SNTG2: variants seen among roughly 807,000 people sequenced by gnomAD.
SNTG2 encodes the protein gamma-2-syntrophin.
A neutral mutation model predicts 70.9 loss-of-function variants in SNTG2; 74 were observed. The ratio of observed to expected loss-of-function variants is 1.04; its 90% confidence interval spans 0.86 to 1.27. SNTG2 has a LOEUF of 1.27. Ranked by LOEUF, SNTG2 falls within the 50% of genes most tolerant of loss-of-function variation. SNTG2 has a pLI of 0.00. For synonymous variants in SNTG2, 278 were observed against 273.8 expected (o/e 1.02, Z -0.15); for missense variants, 717 against 690.7 (o/e 1.04, Z -0.43).
intron 4 of SNTG2, among the ~76,000 whole-genome samples, chr2:1,100,368 C>A (rs1286222356): frequency 2.0e-5 from 3 of 152,188 alleles, no homozygotes; most frequent in Non-Finnish European, 4.4e-5. Context: ...GGGTCTCGAA[C>A]TCCTGACCTC....
chr2:1,137,898 C>T, intron 6 of SNTG2, 89 bp downstream of exon 6: 1 of 1,215,164 alleles, frequency 8.2e-7, no homozygotes, highest in South Asian at 1.2e-5. Flanking sequence ...CTGAGTCTAT[C>T]CATAGATGCA....
chr2:1,146,490 A>G (rs1669116719), intron 6 of SNTG2, among the ~76,000 whole-genome samples: 2 of 152,310 alleles, frequency 1.3e-5, no homozygotes, highest in South Asian at 4.1e-4. Context: ...TGATCTGTAG[A>G]TTCAATATGA....
At chr2:1,063,111 C>A (rs1558356080) in intron 1 of SNTG2, among the ~76,000 whole-genome samples, 1 of 152,210 alleles carries the variant, frequency 6.6e-6, no homozygotes, top group African/African-American at 2.4e-5. Context: ...ACCATGACTA[C>A]ACATAGATAA....
chr2:965,689 C>A (rs1660538419), intron 1 of SNTG2, among the ~76,000 whole-genome samples: 2 of 152,052 alleles, frequency 1.3e-5, no homozygotes, highest in African/African-American at 2.4e-5. Context: ...AGTGTGTGCT[C>A]TCCCCTGGAA....
At chr2:1,272,463 T>TAAAAAAAAA (rs577563977) in intron 14 of SNTG2, among the ~76,000 whole-genome samples, 3 of 51,894 alleles carry the variant, frequency 5.8e-5, no homozygotes, top group African/African-American at 1.9e-4. Context: ...CTGGTACTGG[T>TAAAAAAAAA]AAAAAAAAAA....
intron 1 of SNTG2, among the ~76,000 whole-genome samples, chr2:964,889 A>G (rs1297451341): frequency 6.6e-6 from 1 of 152,124 alleles, no homozygotes. Context: ...GGAACTTGGA[A>G]GACGGGGAGA....
At chr2:1,195,969 G>T (rs1223938147) in intron 8 of SNTG2, among the ~76,000 whole-genome samples, 1 of 151,998 alleles carries the variant, frequency 6.6e-6, no homozygotes, top group Non-Finnish European at 1.5e-5. Context: ...CCATGAAGAA[G>T]TTAACTCTAA....
chr2:1,257,702 G>C (rs900733757), intron 12 of SNTG2, among the ~76,000 whole-genome samples: 1 of 152,174 alleles, frequency 6.6e-6, no homozygotes, highest in Non-Finnish European at 1.5e-5. Flanking sequence ...ATCACAGCAC[G>C]ATGACAGCGG....
chr2:1,266,755 T>TTTTTTTTTTG (rs1224825177), intron 13 of SNTG2, among the ~76,000 whole-genome samples: 1 of 140,836 alleles, frequency 7.1e-6, no homozygotes, highest in African/African-American at 2.6e-5. Context: ...CTTTATCTTT[T>TTTTTTTTTTG]TTTTTTTTTT....
At chr2:1,189,026 G>A (rs1189666897) in intron 8 of SNTG2, among the ~76,000 whole-genome samples, 1 of 151,982 alleles carries the variant, frequency 6.6e-6, no homozygotes, top group Non-Finnish European at 1.5e-5. Context: ...TGTCAAAGAA[G>A]AAATGGGACT....
At chr2:970,418 C>A (rs9712290) in intron 1 of SNTG2, among the ~76,000 whole-genome samples, 3 of 127,682 alleles carry the variant, frequency 2.3e-5, no homozygotes, top group Admixed American at 8.3e-5. Context: ...TCCCTCCCCC[C>A]TCCCCCCACC....
intron 14 of SNTG2, among the ~76,000 whole-genome samples, chr2:1,270,850 T>G (rs1678982365): frequency 6.6e-6 from 1 of 152,228 alleles, no homozygotes; most frequent in African/African-American, 2.4e-5. Flanking sequence ...TAATTACATG[T>G]GTATAGTGTT....
Position 1,237,977 on chromosome 2 carries a change from G to A in SNTG2, c.809G>A (p.Arg270Gln), listed in dbSNP as rs200103305. 5.0e-6 allele frequency: 8 copies of A among 1,610,040 alleles called. No homozygotes were observed. Among genetic ancestry groups the A allele is most frequent in the East Asian group, 4.5e-5 (2 of 44,784 alleles). Reference protein sequence around the residue: ...YTAQDGTDWLRAVSANIRELT... With the variant: ...YTAQDGTDWLQAVSANIRELT... Reference sequence around the variant, plus strand: ...GCCCAGGATGGCACCGACTGGCTGCGGGCGGTCTCAGCCAACATCAGGGAG... The same window carrying A: ...GCCCAGGATGGCACCGACTGGCTGCAGGCGGTCTCAGCCAACATCAGGGAG... Residue 270 changes from arginine (R) to glutamine (Q), a missense_variant, in exon 10 of 17, where the codon CGG becomes CAG. Transcript: ENST00000308624.
intron 4 of SNTG2, 121 bp from the exon 5 acceptor site, chr2:1,137,501 T>C (rs1001491384): frequency 6.0e-5 from 41 of 681,650 alleles, no homozygotes; most frequent in Non-Finnish European, 8.8e-5. Flanking sequence ...CGTGGACACA[T>C]GCACACACAC....
chr2:963,503 C>T (rs1660425097), intron 1 of SNTG2, among the ~76,000 whole-genome samples: 1 of 152,138 alleles, frequency 6.6e-6, no homozygotes, highest in Non-Finnish European at 1.5e-5. Flanking sequence ...GGGTTATCAC[C>T]TATGTTTGGT....
In SNTG2 at chr2:1,236,641, A is replaced by G. The variant is rs183872112; in HGVS notation, c.720-1247A>G. Among the ~76,000 whole-genome samples, 267 of 152,378 alleles carry G rather than the reference A, an allele frequency of 1.8e-3. 1 individual carries two copies. Among genetic ancestry groups the G allele is most frequent in the Non-Finnish European group, 3.4e-3 (233 of 68,038 alleles). ...ATTAGAATGAGAATGACCCCTAGAC[A>G]GGGATGTCAGCTTTTTAAAAGAATG... On this transcript the variant is annotated intron_variant, in intron 9 of 16. Transcript: ENST00000308624.
chr2:1,307,379 T>G (rs551707334), intron 14 of SNTG2, among the ~76,000 whole-genome samples: 2 of 146,666 alleles, frequency 1.4e-5, no homozygotes, highest in African/African-American at 5.1e-5. Context: ...GTATATATGG[T>G]GTTAGCGGTG....
intron 16 of SNTG2, among the ~76,000 whole-genome samples, chr2:1,329,889 C>G (rs1476872272): frequency 6.6e-6 from 1 of 152,118 alleles, no homozygotes; most frequent in Non-Finnish European, 1.5e-5. Flanking sequence ...AACCACAAAT[C>G]CTATATAGTG....
intron 1 of SNTG2, among the ~76,000 whole-genome samples, chr2:951,595 A>C (rs73908608): frequency 6.6e-6 from 1 of 152,200 alleles, no homozygotes; most frequent in Non-Finnish European, 1.5e-5. Context: ...CCAACTGGGT[A>C]ATACGGATTT....
Sources: gnomAD v4.1 joint callset for allele counts (sites outside exome capture counted in the v4.1 genomes callset) on GRCh38, gnomAD v4.1.1 for gene constraint, MANE v1.5 for transcripts, NCBI Gene and HGNC (gene_info 2026-07-23, HGNC 2026-07-21) for gene names.